The following VBP1 variants were observed in gnomAD, a reference collection of about 807,000 sequenced individuals.
VBP1 encodes the protein VHL binding protein 1.
VBP1 carries 4 observed loss-of-function variants against 15.5 expected under a neutral mutation model. That is an observed-to-expected ratio of 0.26 (90% CI 0.13 to 0.59). The LOEUF is 0.59. VBP1 is among the 20% of genes least tolerant of loss of function. The pLI is 0.90. For synonymous variants in VBP1, 61 were observed against 52.1 expected (o/e 1.17, Z -0.74); for missense variants, 108 against 139.6 (o/e 0.77, Z 1.14).
At chrX:155,231,134 G>A (rs1382665732) in intron 4 of VBP1, among the ~76,000 whole-genome samples, 1 of 112,057 alleles carries the variant, frequency 8.9e-6, no homozygotes, top group African/African-American at 3.2e-5. Flanking sequence ...AGATGATTCC[G>A]CTTTTCTGCT....
intron 1 of VBP1, among the ~76,000 whole-genome samples, chrX:155,203,507 A>G (rs1428364573): frequency 9.3e-6 from 1 of 106,987 alleles, no homozygotes; most frequent in Non-Finnish European, 1.9e-5. Flanking sequence ...AAGTATCGCA[A>G]GGACAAAAAA....
At chrX:155,219,532 A>G (rs782723509) in intron 1 of VBP1, among the ~76,000 whole-genome samples, 2 of 112,188 alleles carry the variant, frequency 1.8e-5, no homozygotes, top group East Asian at 2.8e-4. Flanking sequence ...TATGATTTCT[A>G]TGGTAAAACT....
chrX:155,223,550 G>T (rs1340414450), intron 2 of VBP1, among the ~76,000 whole-genome samples: 2 of 111,984 alleles, frequency 1.8e-5, no homozygotes, highest in African/African-American at 3.2e-5. Context: ...CAAGGCAGAA[G>T]AATTTTTCCT....
chrX:155,230,452 C>T (rs1557310719), intron 4 of VBP1, among the ~76,000 whole-genome samples: 1 of 111,268 alleles, frequency 9.0e-6, no homozygotes, highest in African/African-American at 3.3e-5. Flanking sequence ...TTTTTGGGGA[C>T]ACTGTTTAAC....
In VBP1 at chrX:155,238,770, A is replaced by G; in HGVS notation, c.524-2A>G. 2 of 1,201,220 alleles carry G rather than the reference A, an allele frequency of 1.7e-6. No individual in the cohort carries two copies. Among genetic ancestry groups the G allele is most frequent in the Non-Finnish European group, 2.2e-6 (2 of 890,655 alleles). On this transcript the variant is annotated splice_acceptor_variant, in intron 5 of 5. Transcript: ENST00000286428. LOFTEE classifies it high-confidence loss of function. ...TTGCATTTTCTTTGACAATTCTTGC[A>G]GATATGGCCAGGGTTTATAATTGGG...
At chrX:155,215,808 A>G (rs2074660420), upstream of VBP1, among the ~76,000 whole-genome samples, 2 of 112,179 alleles carry the variant, frequency 1.8e-5, no homozygotes. Context: ...GGGTAAGTCC[A>G]TGGGCCTAGA....
At chrX:155,218,985 C>T (rs1338435494) in intron 1 of VBP1, among the ~76,000 whole-genome samples, 1 of 112,033 alleles carries the variant, frequency 8.9e-6, no homozygotes, top group East Asian at 2.8e-4. Flanking sequence ...TTTCTCTTCC[C>T]TGCAGTGACC....
At chrX:155,203,650 C>A (rs1029209118) in intron 1 of VBP1, among the ~76,000 whole-genome samples, 2 of 106,775 alleles carry the variant, frequency 1.9e-5, no homozygotes, top group Admixed American at 2.0e-4. Flanking sequence ...AGGAGATATA[C>A]CTAATGCTAA....
chrX:155,221,861 G>A (rs782802880), intron 2 of VBP1, among the ~76,000 whole-genome samples: 16 of 112,338 alleles, frequency 1.4e-4, no homozygotes, highest in African/African-American at 5.2e-4. Context: ...CTGAGTATTA[G>A]ATGAGATGAA....
At chrX:155,208,929 C>A in exon 2 of VBP1, 2 of 1,154,991 alleles carry the variant, frequency 1.7e-6, no homozygotes, top group South Asian at 1.9e-5. Flanking sequence ...ATGATTCATA[C>A]CCAGCAAGGC....
At chrX:155,237,650 C>A (rs191138901) in intron 5 of VBP1, among the ~76,000 whole-genome samples, 1 of 111,834 alleles carries the variant, frequency 8.9e-6, no homozygotes, top group African/African-American at 3.2e-5. Flanking sequence ...GTGCCACACC[C>A]TTTGCATTTC....
At chrX:155,216,723 T>C in intron 1 of VBP1, 148 bp downstream of exon 1, 1 of 801,837 alleles carries the variant, frequency 1.2e-6, no homozygotes, top group Non-Finnish European at 1.7e-6. Context: ...CCCTCGCACC[T>C]GGACAGATTG....
intron 1 of VBP1, among the ~76,000 whole-genome samples, chrX:155,203,403 A>G (rs1428928040): frequency 1.8e-5 from 2 of 110,878 alleles, no homozygotes; most frequent in African/African-American, 6.6e-5. Context: ...AATGTGGCAC[A>G]TATACACCAT....
intron 1 of VBP1, among the ~76,000 whole-genome samples, chrX:155,198,874 G>T (rs973625525): frequency 9.0e-6 from 1 of 111,550 alleles, no homozygotes; most frequent in Non-Finnish European, 1.9e-5. Context: ...AAATTTAGAC[G>T]AATGTATAAC....
At chrX:155,220,363 A>T in intron 2 of VBP1, 56 bp downstream of exon 2, 2 of 978,777 alleles carry the variant, frequency 2.0e-6, no homozygotes, top group Non-Finnish European at 2.7e-6. Context: ...ACTTTTAAAA[A>T]ATTGAGATAT....
At chrX:155,214,546 C>G (rs376362394), upstream of VBP1, among the ~76,000 whole-genome samples, 1 of 111,580 alleles carries the variant, frequency 9.0e-6, no homozygotes, top group African/African-American at 3.3e-5. Flanking sequence ...CTGTTGTATG[C>G]GTATTTTCTT....
chrX:155,223,926 G>A (rs1487187173), intron 2 of VBP1, among the ~76,000 whole-genome samples: 2 of 109,047 alleles, frequency 1.8e-5, no homozygotes, highest in African/African-American at 3.4e-5. Context: ...CCTCTCAGAC[G>A]GGGTGGCTGG....
chrX:155,230,298 C>T (rs1467669752), intron 4 of VBP1, among the ~76,000 whole-genome samples: 1 of 111,943 alleles, frequency 8.9e-6, no homozygotes, highest in Non-Finnish European at 1.9e-5. Context: ...AAGACCTTAT[C>T]TCCAAATAAA....
At chrX:155,227,131 AGTCC>A (rs2124085319) in intron 2 of VBP1, 100 bp from the exon 3 acceptor site, 1 of 412,275 alleles carries the variant, frequency 2.4e-6, no homozygotes, top group East Asian at 4.9e-5. Flanking sequence ...ATCTATAAAT[AGTCC>A]TCAAGAACAC....
Sources: gnomAD v4.1 joint callset for allele counts (sites outside exome capture counted in the v4.1 genomes callset) on GRCh38, gnomAD v4.1.1 for gene constraint, MANE v1.5 for transcripts, NCBI Gene and HGNC (gene_info 2026-07-23, HGNC 2026-07-21) for gene names.